RGPD2: variants seen among roughly 807,000 people sequenced by gnomAD.
RGPD2 encodes RANBP2-like and GRIP domain-containing protein 2.
In RGPD2, 2 loss-of-function variants were observed where a neutral mutation model predicts 36.0. The observed-to-expected ratio is 0.06, with a 90% confidence interval of 0.02 to 0.17. The LOEUF (loss-of-function observed/expected upper bound fraction) is 0.17. Among genes scored for constraint, RGPD2 ranks in the 10% least tolerant of loss-of-function variants. The pLI, the probability that RGPD2 is intolerant of heterozygous loss-of-function variation, is 1.00. For synonymous variants in RGPD2, 19 were observed against 163.8 expected (o/e 0.12, Z 6.75); for missense variants, 40 against 464.3 (o/e 0.09, Z 8.40).
chr2:87,841,373 A>G, the RGPD2 span, among the ~76,000 whole-genome samples: 1 of 152,158 alleles, frequency 6.6e-6, no homozygotes, highest in East Asian at 1.9e-4. Context: ...CCCTGAGTCA[A>G]TTAAACCTGT....
chr2:87,809,977 GAC>G (rs1322362294), intron 6 of RGPD2, among the ~76,000 whole-genome samples: 1 of 66,268 alleles, frequency 1.5e-5, no homozygotes, highest in African/African-American at 5.0e-5. Context: ...CAGGCTGGGT[GAC>G]AGAGCGAGAC....
chr2:87,877,766 C>A, the RGPD2 span, among the ~76,000 whole-genome samples: 1 of 133,556 alleles, frequency 7.5e-6, no homozygotes, highest in Non-Finnish European at 1.5e-5. Context: ...GGTCATGCCA[C>A]TGCACTTCAG....
chr2:87,824,413 CAT>C (rs1274678964), intron 1 of RGPD2, among the ~76,000 whole-genome samples: 10 of 152,080 alleles, frequency 6.6e-5, no homozygotes, highest in Non-Finnish European at 1.5e-4. Flanking sequence ...AAAACTCAGA[CAT>C]TCTAGAAAGC....
At chr2:87,961,350 C>T in the RGPD2 span, among the ~76,000 whole-genome samples, 2 of 152,110 alleles carry the variant, frequency 1.3e-5, no homozygotes, top group African/African-American at 2.4e-5. Context: ...GTATCCTTGG[C>T]GACGTCGGCG....
chr2:87,924,867 G>GTTTA, the RGPD2 span, among the ~76,000 whole-genome samples: 1 of 93,800 alleles, frequency 1.1e-5, no homozygotes, highest in African/African-American at 4.7e-5. Flanking sequence ...TTAGATACTC[G>GTTTA]TTTATTTATT....
At chr2:87,922,923 G>GTTTCTTTTAATCTTTT in the RGPD2 span, among the ~76,000 whole-genome samples, 1 of 152,020 alleles carries the variant, frequency 6.6e-6, no homozygotes, top group Non-Finnish European at 1.5e-5. Context: ...GTATGCTGTT[G>GTTTCTTTTAATCTTTT]TTTCTTTTTA....
the RGPD2 span, among the ~76,000 whole-genome samples, chr2:87,956,138 AGAAGCTTGAATGTAT>A: frequency 2.3e-5 from 3 of 132,084 alleles, no homozygotes; most frequent in African/African-American, 8.4e-5. Flanking sequence ...AAAAAAGAGT[AGAAGCTTGAATGTAT>A]GTTCTGGAAC....
the RGPD2 span, among the ~76,000 whole-genome samples, chr2:87,880,327 T>C: frequency 6.7e-6 from 1 of 149,858 alleles, no homozygotes; most frequent in Non-Finnish European, 1.5e-5. Flanking sequence ...TCAGTGTCTT[T>C]TGTCTATTTT....
the RGPD2 span, among the ~76,000 whole-genome samples, chr2:87,844,653 C>T: frequency 3.3e-5 from 5 of 151,798 alleles, no homozygotes; most frequent in Non-Finnish European, 7.4e-5. Flanking sequence ...CAAGTGAATT[C>T]GTCCAGAAAG....
chr2:87,880,124 T>C, the RGPD2 span, among the ~76,000 whole-genome samples: 7 of 128,418 alleles, frequency 5.5e-5, no homozygotes, highest in South Asian at 8.1e-4. Context: ...TTGAGAAAAG[T>C]CTATTCAAGT....
the RGPD2 span, among the ~76,000 whole-genome samples, chr2:87,913,773 C>T: frequency 4.6e-5 from 7 of 151,786 alleles, no homozygotes; most frequent in East Asian, 1.9e-4. Context: ...TTTTTAACAA[C>T]GAGAAATTCA....
chr2:87,829,632 A>G (rs1421414258), upstream of RGPD2, among the ~76,000 whole-genome samples: 6 of 151,784 alleles, frequency 4.0e-5, no homozygotes, highest in Admixed American at 1.3e-4. Flanking sequence ...GTGCAGAGGA[A>G]CGGCCCTTTA....
chr2:87,983,194 C>T, the RGPD2 span, among the ~76,000 whole-genome samples: 1 of 152,122 alleles, frequency 6.6e-6, no homozygotes, highest in African/African-American at 2.4e-5. Flanking sequence ...GAAGTGCATG[C>T]CTGTAATCCC....
chr2:87,809,964 C>A (rs1686111904), intron 6 of RGPD2, among the ~76,000 whole-genome samples: 1 of 70,814 alleles, frequency 1.4e-5, no homozygotes, highest in Non-Finnish European at 3.1e-5. Flanking sequence ...CGCCACTCTA[C>A]TCCAGGCTGG....
At chr2:87,915,864 A>G in the RGPD2 span, among the ~76,000 whole-genome samples, 1 of 151,676 alleles carries the variant, frequency 6.6e-6, no homozygotes, top group African/African-American at 2.4e-5. Flanking sequence ...ACATAGCACT[A>G]ATCACAATGC....
At chr2:87,961,986 C>T in the RGPD2 span, among the ~76,000 whole-genome samples, 26 of 140,678 alleles carry the variant, frequency 1.8e-4, no homozygotes, top group Non-Finnish European at 3.5e-4. Flanking sequence ...GTGATAGCGC[C>T]ACTGCATTCC....
At chr2:87,822,109 C>G (rs1032364755) in intron 1 of RGPD2, among the ~76,000 whole-genome samples, 1 of 152,086 alleles carries the variant, frequency 6.6e-6, no homozygotes, top group African/African-American at 2.4e-5. Context: ...CTGTGGAGTC[C>G]CAACAAGGGT....
chr2:87,781,729 T>C (rs1205427000), intron 20 of RGPD2, among the ~76,000 whole-genome samples: 8 of 148,154 alleles, frequency 5.4e-5, no homozygotes, highest in Non-Finnish European at 1.0e-4. Flanking sequence ...CCCAAAGTGC[T>C]GGCATTCTAG....
chr2:87,988,664 C>T, the RGPD2 span, among the ~76,000 whole-genome samples: 133,118 of 147,740 alleles, frequency 0.9, 60,301 homozygotes, highest in East Asian at 0.99. Context: ...CCTCAGACTC[C>T]CAAGTAGCTG....
Sources: allele counts gnomAD v4.1 joint callset (sites outside exome capture counted in the v4.1 genomes callset), GRCh38; gene constraint gnomAD v4.1.1; transcripts MANE v1.5; gene names NCBI Gene and HGNC (gene_info 2026-07-23, HGNC 2026-07-21).